BCL2L12: variants seen among roughly 807,000 people sequenced by gnomAD.
The protein encoded by BCL2L12 is bcl-2-like protein 12.
Under a neutral mutation model 25.7 loss-of-function variants are expected in BCL2L12, and 27 were observed. The ratio of observed to expected loss-of-function variants is 1.05; its 90% CI spans 0.78 to 1.45. The LOEUF (loss-of-function observed/expected upper bound fraction) is 1.45. BCL2L12 is among the 40% of genes most tolerant of loss of function. The pLI is 0.00. For synonymous variants in BCL2L12, 132 were observed against 145.6 expected, an observed-to-expected ratio of 0.91 and a Z score of 0.67; for missense variants, 302 against 329.8, an observed-to-expected ratio of 0.92 and a Z score of 0.65.
intron 6 of BCL2L12, among the ~76,000 whole-genome samples, chr19:49,671,503 C>T (rs191842657): frequency 1.3e-5 from 2 of 152,150 alleles, no homozygotes; most frequent in African/African-American, 4.8e-5. Context: ...AGCATGGTAG[C>T]TCACACGTTT....
chr19:49,671,049 C>A (rs1462402754), intron 6 of BCL2L12, among the ~76,000 whole-genome samples: 1 of 152,302 alleles, frequency 6.6e-6, no homozygotes, highest in East Asian at 1.9e-4. Flanking sequence ...GTAATCCCAG[C>A]TACCGAGGAG....
upstream of BCL2L12, chr19:49,665,581 C>A: frequency 3.8e-6 from 2 of 523,026 alleles, no homozygotes; most frequent in South Asian, 4.9e-5. Flanking sequence ...CTCTTTCCCG[C>A]TCCTCGCTCT....
upstream of BCL2L12, chr19:49,665,861 C>CT (rs761932915): frequency 4.5e-5 from 72 of 1,609,662 alleles, no homozygotes; most frequent in Middle Eastern, 1.7e-4. Context: ...CCCCTATGCC[C>CT]TTTTTTGGGT....
intron 3 of BCL2L12, among the ~76,000 whole-genome samples, chr19:49,668,348 C>G (rs1212240980): frequency 5.9e-5 from 9 of 152,008 alleles, no homozygotes; most frequent in Admixed American, 5.9e-4. Flanking sequence ...ATCTGCCTGC[C>G]TCAGCCTCCC....
At position 49,670,255 on chromosome 19, in the gene BCL2L12, C is replaced by G; in HGVS notation, c.469C>G (p.Leu157Val). The G allele has an allele frequency of 6.2e-7, 1 of 1,609,958 alleles. No homozygotes were observed. Among genetic ancestry groups the G allele is most frequent in the African/African-American group, 1.3e-5 (1 of 75,016 alleles). The change falls in exon 6 of 7, where the codon CTG (leucine) becomes GTG (valine). Residue 157 changes from leucine to valine, a missense_variant. Transcript: ENST00000246784. ...CGCCCTGCGCAGCAAGCTGGTCCGC[C>G]TGTCCTCCGACTCTTTCGCCCGCCT... ...DPALRSKLVR[L>V]SSDSFARLVE...
rs754649805 is a variant in BCL2L12 at position 49,670,342 on chromosome 19, C to T, written c.556C>T (p.Pro186Ser). 2.5e-6 allele frequency: 4 copies of T among 1,599,294 alleles called. No homozygotes were observed. The highest frequency in any genetic ancestry group is 2.7e-5 in the African/African-American group (2 of 74,596). The change falls in exon 6 of 7, where the codon CCG (proline) becomes TCG (serine). Residue 186 changes from proline (P) to serine (S), a missense_variant. Transcript: ENST00000246784. ...SRPSRACPGP[P>S]PPSPEPLARL... ...CCCAAGCCGAGCATGCCCCGGGCCCCCGCCTCCTTCCCCGGAGCCCCTGGC... is the reference window on the plus strand; with the variant it reads ...CCCAAGCCGAGCATGCCCCGGGCCCTCGCCTCCTTCCCCGGAGCCCCTGGC...
intron 3 of BCL2L12, among the ~76,000 whole-genome samples, chr19:49,667,605 A>C (rs184986263): frequency 6.6e-6 from 1 of 152,316 alleles, no homozygotes; most frequent in African/African-American, 2.4e-5. Context: ...ATAGGTGTGA[A>C]CCTGGACAGA....
rs1433632440 is a variant in BCL2L12 at position 49,672,481 on chromosome 19, A to T, written c.703-1217A>T. 1.3e-5 allele frequency among the ~76,000 whole-genome samples: 2 copies of T among 152,208 alleles called. No homozygotes were observed. Among genetic ancestry groups the T allele is most frequent in the Admixed American group, 1.3e-4 (2 of 15,282 alleles). On this transcript the variant is annotated intron_variant, in intron 6 of 6. Transcript: ENST00000246784. The surrounding 1 kb of genome is among the most constrained non-coding windows in gnomAD (Gnocchi z 4.1). ...CAAGGTCTCTGAGCAGCGGAGGGACAGGCGCTGATTTAGGCGCTAATGGGC... is the reference window on the plus strand; with the variant it reads ...CAAGGTCTCTGAGCAGCGGAGGGACTGGCGCTGATTTAGGCGCTAATGGGC...
At chr19:49,667,359 G>A (rs993792954) in intron 3 of BCL2L12, among the ~76,000 whole-genome samples, 198 bp downstream of exon 3, 1 of 152,286 alleles carries the variant, frequency 6.6e-6, no homozygotes, top group Admixed American at 6.5e-5. Flanking sequence ...TGGTCAATCT[G>A]GTTGTTGTCT....
At chr19:49,665,862 T>C (rs2081714228), upstream of BCL2L12, 1 of 1,609,256 alleles carries the variant, frequency 6.2e-7, no homozygotes, top group Non-Finnish European at 8.5e-7. Context: ...CCCTATGCCC[T>C]TTTTTGGGTT....
At chr19:49,667,244 C>A in intron 3 of BCL2L12, 83 bp downstream of exon 3, 2 of 1,553,668 alleles carry the variant, frequency 1.3e-6, no homozygotes, top group Non-Finnish European at 1.8e-6. Flanking sequence ...TAGGGGGTGG[C>A]TGTGTGGAGT....
chr19:49,665,875 C>T (rs1057519880), upstream of BCL2L12: 3 of 1,610,866 alleles, frequency 1.9e-6, no homozygotes, highest in South Asian at 2.2e-5. Context: ...TTTGGGTTTC[C>T]GGCCAGAGGC....
intron 5 of BCL2L12, 122 bp from the exon 6 acceptor site, chr19:49,670,094 A>AG: frequency 7.7e-7 from 1 of 1,297,376 alleles, no homozygotes; most frequent in Non-Finnish European, 1.0e-6. Flanking sequence ...AATATGGATG[A>AG]GGGGTGGCCT....
intron 6 of BCL2L12, among the ~76,000 whole-genome samples, chr19:49,671,815 C>T (rs541150666): frequency 1.3e-5 from 2 of 152,244 alleles, no homozygotes; most frequent in Admixed American, 1.3e-4. Context: ...TCCCGGGGAA[C>T]CCCCTGCCTC....
At chr19:49,665,912 A>C, upstream of BCL2L12, 5 of 1,613,564 alleles carry the variant, frequency 3.1e-6, no homozygotes, top group Non-Finnish European at 4.2e-6. Flanking sequence ...ATGCAAATTG[A>C]GCGTGCACCC....
intron 3 of BCL2L12, among the ~76,000 whole-genome samples, chr19:49,668,614 A>G (rs1465983907): frequency 1.3e-5 from 2 of 151,166 alleles, no homozygotes; most frequent in African/African-American, 2.4e-5. Flanking sequence ...ACACGGTGAA[A>G]CCCCATTTCT....
chr19:49,665,653 G>T, upstream of BCL2L12: 1 of 823,078 alleles, frequency 1.2e-6, no homozygotes, highest in Non-Finnish European at 1.9e-6. Flanking sequence ...GTCGGGGCGT[G>T]CGGGCAGCTG....
At chr19:49,665,858 G>T, upstream of BCL2L12, 1 of 1,608,626 alleles carries the variant, frequency 6.2e-7, no homozygotes, top group South Asian at 1.1e-5. Flanking sequence ...CCGCCCCTAT[G>T]CCCTTTTTTG....
At chr19:49,669,735 T>G (rs2081912871) in intron 5 of BCL2L12, among the ~76,000 whole-genome samples, 1 of 151,904 alleles carries the variant, frequency 6.6e-6, no homozygotes, top group Non-Finnish European at 1.5e-5. Flanking sequence ...GGGGAGTGGC[T>G]AAAATCTTAC....
Sources: gnomAD v4.1 joint callset for allele counts (sites outside exome capture counted in the v4.1 genomes callset) on GRCh38, gnomAD v4.1.1 for gene constraint, Gnocchi (gnomAD v3.1) non-coding constraint, MANE v1.5 for transcripts, NCBI Gene and HGNC (gene_info 2026-07-23, HGNC 2026-07-21) for gene names.